CNTN5: variants seen among roughly 807,000 people sequenced by gnomAD.
CNTN5 encodes the protein contactin 5.
CNTN5 carries 77 observed loss-of-function variants against 129.1 expected under a neutral mutation model. The ratio of observed to expected loss-of-function variants is 0.60; its 90% CI spans 0.50 to 0.72. CNTN5 has a LOEUF of 0.72. CNTN5 is among the 30% of genes least tolerant of loss of function. CNTN5 has a pLI of 0.00. For synonymous variants in CNTN5, 509 were observed against 465.6 expected, an observed-to-expected ratio of 1.09 and a Z score of -1.20; for missense variants, 1,478 against 1,328.8, an observed-to-expected ratio of 1.11 and a Z score of -1.75.
intron 13 of CNTN5, among the ~76,000 whole-genome samples, chr11:100,082,676 T>C (rs1301614413): frequency 1.3e-5 from 2 of 152,132 alleles, no homozygotes; most frequent in South Asian, 2.1e-4. Flanking sequence ...GAAGAAATCA[T>C]TGAACACGGT....
chr11:99,464,692 A>G (rs1591105932), intron 2 of CNTN5, among the ~76,000 whole-genome samples: 1 of 152,196 alleles, frequency 6.6e-6, no homozygotes, highest in Non-Finnish European at 1.5e-5. Flanking sequence ...AATTGGTTGA[A>G]GTTGAAACTG....
chr11:99,100,721 TA>T, intron 1 of CNTN5, among the ~76,000 whole-genome samples: 1 of 152,244 alleles, frequency 6.6e-6, no homozygotes, highest in South Asian at 2.1e-4. Flanking sequence ...TAAACTACTA[TA>T]AAAATATATT....
At chr11:99,902,225 A>G (rs1949376709) in intron 6 of CNTN5, among the ~76,000 whole-genome samples, 1 of 148,156 alleles carries the variant, frequency 6.7e-6, no homozygotes, top group Non-Finnish European at 1.5e-5. Context: ...GTTTTTGTAC[A>G]GCCCGCAAGC....
intron 3 of CNTN5, among the ~76,000 whole-genome samples, chr11:99,567,262 C>T (rs1253813819): frequency 6.6e-6 from 1 of 152,104 alleles, no homozygotes; most frequent in African/African-American, 2.4e-5. Context: ...GCCACAGTGA[C>T]CTCCTTCCTA....
At chr11:99,965,579 AC>A (rs754164965) in intron 8 of CNTN5, among the ~76,000 whole-genome samples, 156 of 152,290 alleles carry the variant, frequency 1.0e-3, no homozygotes, top group Middle Eastern at 3.4e-3. Flanking sequence ...TTTACTTCCA[AC>A]TATGTGGTCA....
intron 18 of CNTN5, among the ~76,000 whole-genome samples, chr11:100,296,999 G>C (rs1224102974): frequency 6.6e-6 from 1 of 151,480 alleles, no homozygotes; most frequent in Non-Finnish European, 1.5e-5. Flanking sequence ...TGCAATGAAG[G>C]GGAAATTTAT....
At position 99,889,323 on chromosome 11, in the gene CNTN5, TGTGTGTGTGTGTG is replaced by T. The variant is rs1948990188; in HGVS notation, c.578-26730_578-26718del. On this transcript the variant is annotated intron_variant, in intron 6 of 24. Transcript: ENST00000524871. ...GTGTGTGTGTGTGTGTGTGTGTGTGTGTGTGTGTGTGTGTGTGTGTGTGTGTGTGTGTGTATAT... is the reference window on the plus strand; with the variant it reads ...GTGTGTGTGTGTGTGTGTGTGTGTGTTGTGTGTGTGTGTGTGTGTGTATAT... Among the ~76,000 whole-genome samples the T allele has an allele frequency of 4.8e-4, 69 of 144,490 alleles. 5 individuals carry two copies. The highest frequency in any genetic ancestry group is 9.0e-4 in the Admixed American group (13 of 14,382). The allele number at this position is 144,490 out of a possible 152,430, so 94.8% of individuals were successfully genotyped here.
chr11:99,380,553 T>G (rs1940481149), intron 2 of CNTN5, among the ~76,000 whole-genome samples: 1 of 152,094 alleles, frequency 6.6e-6, no homozygotes, highest in African/African-American at 2.4e-5. Context: ...GTGGATCATC[T>G]GAGGTCAGAA....
chr11:99,119,277 T>C (rs1282423574), intron 1 of CNTN5, among the ~76,000 whole-genome samples: 7 of 152,170 alleles, frequency 4.6e-5, no homozygotes, highest in South Asian at 2.1e-4. Context: ...TTATTTTTCC[T>C]GATTCTCTCC....
chr11:99,537,653 A>T (rs1204652274), intron 2 of CNTN5, among the ~76,000 whole-genome samples: 3 of 152,178 alleles, frequency 2.0e-5, no homozygotes, highest in Non-Finnish European at 4.4e-5. Context: ...AACTTCAATT[A>T]ATGGGTTATG....
intron 2 of CNTN5, among the ~76,000 whole-genome samples, chr11:99,388,154 A>T (rs1941026845): frequency 1.3e-5 from 2 of 151,958 alleles, no homozygotes; most frequent in South Asian, 4.1e-4. Context: ...GGGGGCTCAA[A>T]TCTGTAATCC....
intron 1 of CNTN5, among the ~76,000 whole-genome samples, chr11:99,133,825 C>T (rs12274045): frequency 0.04 from 6,028 of 152,060 alleles, 395 homozygotes; most frequent in African/African-American, 0.13. Flanking sequence ...TAAAATAGTT[C>T]GACCATTGTG....
At chr11:99,441,841 A>C (rs1943842303) in intron 2 of CNTN5, among the ~76,000 whole-genome samples, 1 of 152,178 alleles carries the variant, frequency 6.6e-6, no homozygotes, top group Non-Finnish European at 1.5e-5. Context: ...AAGTCTTCAA[A>C]GTCATTTTTA....
intron 18 of CNTN5, among the ~76,000 whole-genome samples, chr11:100,292,486 T>C (rs1951010467): frequency 6.6e-6 from 1 of 152,048 alleles, no homozygotes; most frequent in South Asian, 2.1e-4. Context: ...TGTTCTTCAT[T>C]TGAAGTTTCC....
intron 9 of CNTN5, among the ~76,000 whole-genome samples, chr11:100,041,437 A>G (rs920978969): frequency 1.3e-5 from 2 of 152,246 alleles, no homozygotes; most frequent in East Asian, 1.9e-4. Context: ...AGTACCTTAT[A>G]TATAATTGCT....
intron 7 of CNTN5, among the ~76,000 whole-genome samples, chr11:99,938,559 G>C (rs2136103285): frequency 6.6e-6 from 1 of 152,124 alleles, no homozygotes; most frequent in African/African-American, 2.4e-5. Flanking sequence ...TGGTAAATGG[G>C]AGAAAATAGA....
chr11:99,287,829 TAGA>T (rs1324730642), intron 1 of CNTN5, among the ~76,000 whole-genome samples: 2 of 151,688 alleles, frequency 1.3e-5, no homozygotes, highest in African/African-American at 4.8e-5. Flanking sequence ...AATTATAAGT[TAGA>T]AGGAGGAGGA....
chr11:99,470,814 A>ATTT lies in CNTN5; in HGVS notation c.-70-85324_-70-85322dup, dbSNP rs141021367. On this transcript the variant is annotated intron_variant, in intron 2 of 24. Coordinates refer to ENST00000524871, the MANE Select transcript of CNTN5 (RefSeq NM_014361.4). ...AATATAGAAGGAAAATCACAAATTT[A>ATTT]TTTTTTTTTATCATTATAGCTATAT... 3.5e-3 allele frequency among the ~76,000 whole-genome samples: 531 copies of ATTT among 149,812 alleles called. 17 individuals are homozygous for ATTT. In the South Asian group the frequency reaches 0.071, roughly 20 times the overall value.
chr11:100,285,051 A>C (rs1950740675), intron 18 of CNTN5, among the ~76,000 whole-genome samples: 1 of 152,184 alleles, frequency 6.6e-6, no homozygotes, highest in South Asian at 2.1e-4. Context: ...CTATTAAATA[A>C]GATTTTTTAA....
Sources: gnomAD v4.1 joint callset for allele counts (sites outside exome capture counted in the v4.1 genomes callset) on GRCh38, gnomAD v4.1.1 for gene constraint, MANE v1.5 for transcripts, NCBI Gene and HGNC (gene_info 2026-07-23, HGNC 2026-07-21) for gene names.